HLF: variants seen among roughly 807,000 people sequenced by gnomAD.
The protein encoded by HLF is hepatic leukemia factor.
A neutral mutation model predicts 22.6 loss-of-function variants in HLF; 3 were observed. That is an observed-to-expected ratio of 0.13 (90% CI 0.06 to 0.34). The LOEUF (loss-of-function observed/expected upper bound fraction) is 0.34. Among genes scored for constraint, HLF ranks in the 10% least tolerant of loss-of-function variants. The pLI, the probability that HLF is intolerant of heterozygous loss-of-function variation, is 1.00. For synonymous variants in HLF, 151 were observed against 151.8 expected (o/e 0.99, Z 0.04); for missense variants, 299 against 389.2 (o/e 0.77, Z 1.95).
At chr17:55,311,922 G>A (rs1330957912) in intron 2 of HLF, among the ~76,000 whole-genome samples, 1 of 152,198 alleles carries the variant, frequency 6.6e-6, no homozygotes, top group Non-Finnish European at 1.5e-5. Flanking sequence ...AAAACATGCA[G>A]TATTTGGTTT....
intron 2 of HLF, among the ~76,000 whole-genome samples, chr17:55,296,837 ATTT>A (rs938535449): frequency 6.9e-6 from 1 of 145,342 alleles, no homozygotes; most frequent in Non-Finnish European, 1.5e-5. Context: ...ATTCAAAAAA[ATTT>A]TTTTTTTTTT....
At chr17:55,307,842 A>AC (rs1904653209) in intron 2 of HLF, among the ~76,000 whole-genome samples, 2 of 152,018 alleles carry the variant, frequency 1.3e-5, no homozygotes, top group African/African-American at 2.4e-5. Flanking sequence ...AAAAAAAAAA[A>AC]AAAACATCAA....
chr17:55,315,942 TGACCA>T (rs1052891445), intron 3 of HLF, among the ~76,000 whole-genome samples: 36 of 152,344 alleles, frequency 2.4e-4, no homozygotes, highest in African/African-American at 8.2e-4. Flanking sequence ...CAACCTTGGA[TGACCA>T]GGGTGGGATT....
chr17:55,305,032 C>T (rs893660966), intron 2 of HLF, among the ~76,000 whole-genome samples: 6 of 152,328 alleles, frequency 3.9e-5, no homozygotes, highest in East Asian at 1.9e-4. Flanking sequence ...CCAAACCAAA[C>T]GTTAATTTGC....
intron 2 of HLF, among the ~76,000 whole-genome samples, chr17:55,286,005 TA>T (rs2081000948): frequency 1.3e-5 from 2 of 152,146 alleles, no homozygotes; most frequent in Non-Finnish European, 2.9e-5. Context: ...GCAAAATCAG[TA>T]AACAGAGCCA....
chr17:55,276,100 C>A (rs1480932984), intron 2 of HLF, among the ~76,000 whole-genome samples: 1 of 152,058 alleles, frequency 6.6e-6, no homozygotes, highest in African/African-American at 2.4e-5. Flanking sequence ...AGAGTGCAAC[C>A]CTGTATCTAA....
chr17:55,311,713 T>C (rs970890943), intron 2 of HLF, among the ~76,000 whole-genome samples: 3 of 152,118 alleles, frequency 2.0e-5, no homozygotes, highest in African/African-American at 7.2e-5. Context: ...CATGTGCAGG[T>C]TTGTTACATG....
rs2081084992 is a variant in HLF, at chr17:55,293,484, G to T, written c.452-21743G>T. Among the ~76,000 whole-genome samples the T allele has an allele frequency of 3.3e-5, 5 of 152,194 alleles. No individual in the cohort carries two copies. In the South Asian group the frequency reaches 1.0e-3, roughly 32 times the overall value. ...AGAGCTCCTATCAAACGGATGGGTA[G>T]AAAAGGAATGTTGTCATAATAGCTA... On this transcript the variant is annotated intron_variant, in intron 2 of 3. Transcript: ENST00000226067.
At chr17:55,293,926 G>A (rs1169824786) in intron 2 of HLF, among the ~76,000 whole-genome samples, 1 of 152,150 alleles carries the variant, frequency 6.6e-6, no homozygotes, top group Non-Finnish European at 1.5e-5. Context: ...CTCTGGGGAG[G>A]CCCTAAGGTC....
chr17:55,310,485 T>C (rs531904640), intron 2 of HLF, among the ~76,000 whole-genome samples: 38 of 152,064 alleles, frequency 2.5e-4, no homozygotes, highest in Non-Finnish European at 3.4e-4. Context: ...CTTTGTCAAG[T>C]TGTATCTACT....
chr17:55,267,933 A>C lies in HLF; in HGVS notation c.298A>C (p.Ser100Arg), dbSNP rs1397006767. 1 of 1,614,116 alleles carries C rather than the reference A, an allele frequency of 6.2e-7. No individual in the cohort carries two copies. Among genetic ancestry groups the C allele is most frequent in the Non-Finnish European group, 8.5e-7 (1 of 1,180,016 alleles). The change falls in exon 2 of 4, where the codon AGC becomes CGC. Residue 100 changes from serine (S) to arginine (R), a missense_variant. This residue lies in a region of HLF where 224 missense variants were observed against 298.1 expected (regional missense o/e 0.75). Transcript: ENST00000226067. ...EFLSENGIPP[S>R]PSQHDHSPHP... ...TTTGTCAGAAAATGGCATTCCCCCC[A>C]GCCCATCTCAGCATGACCACAGCCC...
intron 2 of HLF, among the ~76,000 whole-genome samples, chr17:55,285,234 A>G (rs898815913): frequency 1.3e-5 from 2 of 152,196 alleles, no homozygotes; most frequent in Admixed American, 6.5e-5. Flanking sequence ...AGCTCCTGCT[A>G]TATTTGGAAT....
At position 55,303,695 on chromosome 17, in the gene HLF, G is replaced by A. The variant is rs140548127; in HGVS notation, c.452-11532G>A. Among the ~76,000 whole-genome samples the A allele has an allele frequency of 9.1e-4, 138 of 152,328 alleles. 1 individual carries two copies. Among genetic ancestry groups the A allele is most frequent in the Non-Finnish European group, 1.8e-3 (120 of 68,030 alleles). On this transcript the variant is annotated intron_variant, in intron 2 of 3. Transcript: ENST00000226067. ...GGATTTTGGGATTAGCAGGTGATTG[G>A]TGGCAGGAAGGGTGAGGTCTGGAAA...
intron 2 of HLF, among the ~76,000 whole-genome samples, chr17:55,312,692 A>G (rs1904886319): frequency 1.3e-5 from 2 of 152,224 alleles, no homozygotes; most frequent in African/African-American, 2.4e-5. Context: ...ACCTCTGGAA[A>G]GACAGTGAGT....
rs769270551 is a variant in HLF, at chr17:55,267,961, A to G, written c.326A>G (p.His109Arg). 1 of 1,613,642 alleles carries G rather than the reference A, an allele frequency of 6.2e-7. No homozygotes were observed. Among genetic ancestry groups the G allele is most frequent in the Non-Finnish European group, 8.5e-7 (1 of 1,179,904 alleles). ...PSPSQHDHSP[H>R]PPGLQPASSA... ...CCATCTCAGCATGACCACAGCCCTC[A>G]CCCTCCTGGGCTGCAGCCAGCTTCC... Residue 109 changes from histidine (H) to arginine (R), a missense_variant, in exon 2 of 4, where the codon CAC becomes CGC. Physicochemically the swap from His to Arg is conservative, Grantham distance 29 (BLOSUM62 0). Coordinates refer to ENST00000226067, the MANE Select transcript of HLF (RefSeq NM_002126.5).
intron 2 of HLF, among the ~76,000 whole-genome samples, chr17:55,306,696 G>A (rs1329966265): frequency 1.3e-5 from 2 of 152,048 alleles, no homozygotes; most frequent in Admixed American, 1.3e-4. Flanking sequence ...CTGGGATCCA[G>A]GACACCTTCC....
intron 2 of HLF, among the ~76,000 whole-genome samples, chr17:55,286,779 A>G (rs769409082): frequency 6.6e-5 from 10 of 152,132 alleles, no homozygotes; most frequent in Non-Finnish European, 1.3e-4. Flanking sequence ...TACTTTTGCC[A>G]TCAGTATCAT....
At chr17:55,269,126 G>A (rs572850750) in intron 2 of HLF, among the ~76,000 whole-genome samples, 9 of 152,158 alleles carry the variant, frequency 5.9e-5, no homozygotes. Flanking sequence ...CTCGACTCTT[G>A]TAGAAATTTC....
chr17:55,294,739 A>G (rs902879151), intron 2 of HLF, among the ~76,000 whole-genome samples: 9 of 152,172 alleles, frequency 5.9e-5, no homozygotes, highest in African/African-American at 1.7e-4. Flanking sequence ...CATATGGAGA[A>G]GGCTCCCTTT....
Sources: gnomAD v4.1 joint callset for allele counts (sites outside exome capture counted in the v4.1 genomes callset) on GRCh38, gnomAD v4.1.1 for gene constraint, gnomAD v4.1.1 regional missense constraint, MANE v1.5 for transcripts, NCBI Gene and HGNC (gene_info 2026-07-23, HGNC 2026-07-21) for gene names.